Variants in THTPA observed in about 807,000 individuals in gnomAD.
The protein encoded by THTPA is thiamine-triphosphatase.
Under a neutral mutation model 16.5 loss-of-function variants are expected in THTPA, and 16 were observed. The observed-to-expected ratio is 0.97, with a 90% CI of 0.66 to 1.47. The LOEUF is 1.47. Among genes scored for constraint, THTPA ranks in the 40% most tolerant of loss-of-function variants. The pLI, the probability that THTPA is intolerant of heterozygous loss-of-function variation, is 0.00. For synonymous variants in THTPA, 110 were observed against 115.5 expected (o/e 0.95, Z 0.30); for missense variants, 281 against 280.9 (o/e 1.00, Z 0.00).
In THTPA at chr14:23,559,002, C is replaced by G. The variant is rs1882917822; in HGVS notation, c.*162C>G. 9 of 857,522 alleles carry G rather than the reference C, an allele frequency of 1.0e-5. No individual in the cohort carries two copies. The highest frequency in any genetic ancestry group is 1.2e-5 in the Non-Finnish European group (7 of 571,304). The allele number at this position is 857,522 out of a possible 1,614,324, so 53.1% of individuals were successfully genotyped here. A position where few individuals can be genotyped will look rare whatever the true frequency, so the allele number is the denominator to read the frequency against. On this transcript the variant is annotated 3_prime_UTR_variant, in exon 2 of 2. Transcript: ENST00000288014. ...TCTAAGCTACTCTTCCTTGAGCCCT[C>G]CCTGGCTGCTTCCTCTCGCTCATCC... is the stretch of plus-strand genomic sequence containing the variant.
chr14:23,522,420 G>A, the THTPA span: 1 of 1,536,494 alleles, frequency 6.5e-7, no homozygotes, highest in Admixed American at 2.0e-5. Context: ...GGAGCAGGCA[G>A]TTCAGGAGGC....
chr14:23,525,804 G>C, the THTPA span: 8 of 1,472,306 alleles, frequency 5.4e-6, no homozygotes, highest in Non-Finnish European at 7.2e-6. The surrounding 1 kb of genome is among the most constrained non-coding windows in gnomAD (Gnocchi z 5.9). Context: ...GGCCCAGCTA[G>C]TGTCAGCTTG....
chr14:23,517,934 G>A, the THTPA span, among the ~76,000 whole-genome samples: 99 of 152,078 alleles, frequency 6.5e-4, 1 homozygote, highest in African/African-American at 2.3e-3. Flanking sequence ...TCCTCTTACC[G>A]GTTACTTTTT....
At chr14:23,526,872 A>G in the THTPA span, 4 of 1,533,634 alleles carry the variant, frequency 2.6e-6, no homozygotes, top group Non-Finnish European at 2.6e-6. Flanking sequence ...TGCTCGGTGT[A>G]GGCTCTGGCC....
the THTPA span, chr14:23,525,886 G>A: frequency 4.8e-6 from 7 of 1,457,928 alleles, no homozygotes; most frequent in Admixed American, 2.5e-5. This position sits in a 1 kb window ranked among gnomAD's most constrained non-coding sequence, Gnocchi z 5.9. Flanking sequence ...GCAGTGATTC[G>A]GGCACCAGAG....
At chr14:23,526,522 T>C in the THTPA span, 1 of 1,535,870 alleles carries the variant, frequency 6.5e-7, no homozygotes, top group Admixed American at 2.0e-5. Flanking sequence ...GCGGAGGAGC[T>C]ACGTCTTCAG....
chr14:23,524,013 G>A, the THTPA span: 1 of 1,518,702 alleles, frequency 6.6e-7, no homozygotes, highest in Non-Finnish European at 8.8e-7. This position sits in a 1 kb window ranked among gnomAD's most constrained non-coding sequence, Gnocchi z 5.6. Flanking sequence ...AAAGGCTGGG[G>A]CCCAGAAGCA....
chr14:23,522,835 C>T, the THTPA span: 1 of 1,533,758 alleles, frequency 6.5e-7, no homozygotes, highest in Non-Finnish European at 8.7e-7. Context: ...TTTGGTCGGG[C>T]ATGGGTCTCT....
chr14:23,533,387 AG>A, the THTPA span: 1 of 1,471,162 alleles, frequency 6.8e-7, no homozygotes, highest in Non-Finnish European at 9.0e-7. The surrounding 1 kb of genome is among the most constrained non-coding windows in gnomAD (Gnocchi z 4.8). Context: ...GGGCCAGCCA[AG>A]GGAGTCTGAG....
At position 23,558,817 on chromosome 14, in the gene THTPA, G is replaced by A. The variant is rs746745903; in HGVS notation, c.670G>A (p.Asp224Asn). The change falls in exon 2 of 2, where the codon GAT (aspartate) becomes AAT (asparagine). Residue 224 changes from aspartate (D) to asparagine (N), a missense_variant. Physicochemically the swap from Asp to Asn is conservative, Grantham distance 23. Coordinates refer to ENST00000288014, the MANE Select transcript of THTPA (RefSeq NM_024328.6). ...CAGAGAGAGGCCACAGGAGACTGAA[G>A]ATCCTGACCACTGCCTGGGCTAGGG... Reference protein sequence around the residue: ...SSRERPQETEDPDHCLG With the variant: ...SSRERPQETENPDHCLG The A allele has an allele frequency of 1.2e-6, 2 of 1,614,216 alleles. No individual in the cohort carries two copies. Among genetic ancestry groups the A allele is most frequent in the South Asian group, 2.2e-5 (2 of 91,088 alleles).
the THTPA span, among the ~76,000 whole-genome samples, chr14:23,537,313 C>T: frequency 1.7e-3 from 260 of 152,158 alleles, 2 homozygotes; most frequent in African/African-American, 6.1e-3. Flanking sequence ...CCCAAGGTCC[C>T]AGTTGGCCCA....
chr14:23,531,885 T>C, the THTPA span: 1 of 956,770 alleles, frequency 1.0e-6, no homozygotes, highest in East Asian at 3.3e-5. Flanking sequence ...TCAGTGATTC[T>C]CATGCCTCAG....
the THTPA span, among the ~76,000 whole-genome samples, chr14:23,550,487 A>G: frequency 1.3e-5 from 2 of 152,228 alleles, no homozygotes; most frequent in Non-Finnish European, 2.9e-5. Flanking sequence ...TCAGATGGGA[A>G]GGGTCACAAG....
chr14:23,559,011 C>T lies in THTPA; in HGVS notation c.*171C>T, dbSNP rs1882919256. 1 of 752,854 alleles carries T rather than the reference C, an allele frequency of 1.3e-6. No homozygotes were observed. Among genetic ancestry groups the T allele is most frequent in the Admixed American group, 3.0e-5 (1 of 33,540 alleles). 46.6% of individuals were successfully genotyped at this position (752,854 alleles called of 1,614,324 possible). A position where few individuals can be genotyped will look rare whatever the true frequency, so the allele number is the denominator to read the frequency against. ...CTCTTCCTTGAGCCCTCCCTGGCTGCTTCCTCTCGCTCATCCGTCAGATGC... is the reference window on the plus strand; with the variant it reads ...CTCTTCCTTGAGCCCTCCCTGGCTGTTTCCTCTCGCTCATCCGTCAGATGC... On this transcript the variant is annotated 3_prime_UTR_variant, in exon 2 of 2. Coordinates refer to ENST00000288014, the MANE Select transcript of THTPA (RefSeq NM_024328.6).
chr14:23,528,473 C>G, the THTPA span, among the ~76,000 whole-genome samples: 87 of 152,202 alleles, frequency 5.7e-4, no homozygotes, highest in Non-Finnish European at 5.9e-4. Flanking sequence ...CCTACTGCCC[C>G]CACCTTGGAT....
chr14:23,534,110 C>A, the THTPA span: 2 of 1,490,982 alleles, frequency 1.3e-6, no homozygotes, highest in Non-Finnish European at 8.9e-7. The surrounding 1 kb of genome is among the most constrained non-coding windows in gnomAD (Gnocchi z 4.5). Flanking sequence ...GGGGAGCCCA[C>A]TGGGGCAGGG....
the THTPA span, among the ~76,000 whole-genome samples, chr14:23,517,177 G>T: frequency 6.6e-6 from 1 of 152,170 alleles, no homozygotes; most frequent in African/African-American, 2.4e-5. Context: ...TGTGAGGGCT[G>T]TCTGGGTTCC....
the THTPA span, among the ~76,000 whole-genome samples, chr14:23,539,095 C>G: frequency 6.6e-6 from 1 of 152,144 alleles, no homozygotes; most frequent in Non-Finnish European, 1.5e-5. Flanking sequence ...CTCCAGAGTT[C>G]CCTGCTGCCC....
chr14:23,519,063 A>C, the THTPA span, among the ~76,000 whole-genome samples: 1 of 152,170 alleles, frequency 6.6e-6, no homozygotes, highest in Non-Finnish European at 1.5e-5. Context: ...AGGTAAGTAC[A>C]GTTGCTTAGA....
Sources: allele counts gnomAD v4.1 joint callset (sites outside exome capture counted in the v4.1 genomes callset), GRCh38; gene constraint gnomAD v4.1.1; non-coding constraint Gnocchi (gnomAD v3.1); transcripts MANE v1.5; gene names NCBI Gene and HGNC (gene_info 2026-07-23, HGNC 2026-07-21).